RANBP2: variants seen among roughly 807,000 people sequenced by gnomAD.
The protein encoded by RANBP2 is RAN binding protein 2.
A neutral mutation model predicts 303.6 loss-of-function variants in RANBP2; 57 were observed. The ratio of observed to expected loss-of-function variants is 0.19; its 90% CI spans 0.15 to 0.23. The LOEUF (loss-of-function observed/expected upper bound fraction) is 0.23, where lower values mean the gene tolerates loss of function less well. RANBP2 is among the 10% of genes least tolerant of loss of function. The pLI is 1.00. For missense variants in RANBP2, 3,138 were observed against 3,780.8 expected (o/e 0.83, Z 4.46); for synonymous variants, 1,167 against 1,301.5 (o/e 0.90, Z 2.23).
chr2:109,242,053 C>T, the RANBP2 span, among the ~76,000 whole-genome samples: 1 of 152,030 alleles, frequency 6.6e-6, no homozygotes, highest in Admixed American at 6.6e-5. Flanking sequence ...AAGTGGCTGG[C>T]TCTGGTGTAG....
chr2:109,407,884 G>C, the RANBP2 span, among the ~76,000 whole-genome samples: 9 of 152,186 alleles, frequency 5.9e-5, no homozygotes, highest in Non-Finnish European at 1.3e-4. Flanking sequence ...GTGACCTGGC[G>C]TCCTGATGAT....
chr2:109,465,621 G>T, the RANBP2 span, among the ~76,000 whole-genome samples: 4 of 152,184 alleles, frequency 2.6e-5, no homozygotes, highest in African/African-American at 9.7e-5. Flanking sequence ...AAATACCTGA[G>T]ACTGGGTAGT....
the RANBP2 span, among the ~76,000 whole-genome samples, chr2:108,995,134 TG>T: frequency 2.0e-5 from 3 of 151,926 alleles, no homozygotes; most frequent in African/African-American, 7.3e-5. Flanking sequence ...CCGGCCGCAT[TG>T]GGTTTTATTT....
the RANBP2 span, among the ~76,000 whole-genome samples, chr2:109,591,095 T>C: frequency 6.6e-6 from 1 of 152,252 alleles, no homozygotes; most frequent in Non-Finnish European, 1.5e-5. Flanking sequence ...CTATATTCTC[T>C]TTTGTGCCAT....
At chr2:108,851,047 A>G in the RANBP2 span, among the ~76,000 whole-genome samples, 2 of 152,058 alleles carry the variant, frequency 1.3e-5, no homozygotes, top group Non-Finnish European at 2.9e-5. Flanking sequence ...CTGGCTTCAA[A>G]TTGGGGTTCC....
the RANBP2 span, among the ~76,000 whole-genome samples, chr2:109,561,268 C>T: frequency 6.6e-6 from 1 of 152,098 alleles, no homozygotes; most frequent in Non-Finnish European, 1.5e-5. Flanking sequence ...CTGTTTTCCC[C>T]AAGTTACTAC....
the RANBP2 span, among the ~76,000 whole-genome samples, chr2:109,042,981 T>C: frequency 6.6e-6 from 1 of 152,218 alleles, no homozygotes; most frequent in African/African-American, 2.4e-5. Context: ...GTAATAACTG[T>C]CCCGAATTCT....
the RANBP2 span, among the ~76,000 whole-genome samples, chr2:108,959,394 T>C: frequency 6.6e-6 from 1 of 152,226 alleles, no homozygotes; most frequent in African/African-American, 2.4e-5. Context: ...GTGTCTGTAA[T>C]GCAGGGGACG....
chr2:109,163,555 C>T, the RANBP2 span, among the ~76,000 whole-genome samples: 1,286 of 151,120 alleles, frequency 8.5e-3, 6 homozygotes, highest in Non-Finnish European at 0.015. Flanking sequence ...CCCGCCACTA[C>T]GCCCGGCTAA....
At chr2:108,896,799 A>G in the RANBP2 span, 2 of 1,106,216 alleles carry the variant, frequency 1.8e-6, no homozygotes, top group Non-Finnish European at 1.3e-6. Flanking sequence ...ATACGGTGAC[A>G]TATCACAAAA....
intron 7 of RANBP2, among the ~76,000 whole-genome samples, chr2:108,743,144 G>C (rs981795247): frequency 6.6e-6 from 1 of 152,202 alleles, no homozygotes; most frequent in Non-Finnish European, 1.5e-5. Context: ...GTGTCTATTA[G>C]AGTCTTGCTG....
At chr2:109,638,915 C>G in the RANBP2 span, among the ~76,000 whole-genome samples, 1 of 152,192 alleles carries the variant, frequency 6.6e-6, no homozygotes, top group Non-Finnish European at 1.5e-5. Flanking sequence ...TACATAGAGA[C>G]TGGAGACTTT....
chr2:109,232,203 A>G, the RANBP2 span, among the ~76,000 whole-genome samples: 1 of 152,208 alleles, frequency 6.6e-6, no homozygotes, highest in Non-Finnish European at 1.5e-5. Flanking sequence ...CAGGCTATTT[A>G]CTAAAGTGGC....
chr2:109,657,030 T>C, the RANBP2 span, among the ~76,000 whole-genome samples: 1 of 152,192 alleles, frequency 6.6e-6, no homozygotes, highest in South Asian at 2.1e-4. Flanking sequence ...GCCAAGAAAA[T>C]CCATGATATG....
the RANBP2 span, among the ~76,000 whole-genome samples, chr2:109,534,035 C>T: frequency 6.6e-6 from 1 of 152,172 alleles, no homozygotes; most frequent in African/African-American, 2.4e-5. Context: ...CGGCCTCATA[C>T]CCTCTCCTTC....
the RANBP2 span, among the ~76,000 whole-genome samples, chr2:108,829,475 G>A: frequency 6.6e-6 from 1 of 152,210 alleles, no homozygotes; most frequent in African/African-American, 2.4e-5. Flanking sequence ...AATAAACATG[G>A]TGGCCCATGC....
chr2:109,601,543 A>T, the RANBP2 span, among the ~76,000 whole-genome samples: 1 of 152,144 alleles, frequency 6.6e-6, no homozygotes, highest in African/African-American at 2.4e-5. Flanking sequence ...ATAAATCACC[A>T]ATTCATGTTT....
chr2:109,554,819 A>G, the RANBP2 span, among the ~76,000 whole-genome samples: 5 of 152,184 alleles, frequency 3.3e-5, no homozygotes, highest in African/African-American at 1.2e-4. Context: ...CTATAGCATG[A>G]AATATGAAGC....
chr2:109,655,401 G>A, the RANBP2 span, among the ~76,000 whole-genome samples: 2 of 152,168 alleles, frequency 1.3e-5, no homozygotes, highest in Non-Finnish European at 2.9e-5. Flanking sequence ...AATTGAAATG[G>A]GCAAGGCCTG....
Sources: allele counts gnomAD v4.1 joint callset (sites outside exome capture counted in the v4.1 genomes callset), GRCh38; gene constraint gnomAD v4.1.1; transcripts MANE v1.5; gene names NCBI Gene and HGNC (gene_info 2026-07-23, HGNC 2026-07-21).